Variants in FRMD4A observed in about 807,000 individuals in gnomAD.
The protein encoded by FRMD4A is FERM domain-containing protein 4A.
A neutral mutation model predicts 129.1 loss-of-function variants in FRMD4A; 29 were observed. The observed-to-expected ratio is 0.22, with a 90% CI of 0.17 to 0.31. The LOEUF is 0.31. Ranked by LOEUF, FRMD4A falls within the 10% of genes least tolerant of loss-of-function variation. The probability of loss-of-function intolerance (pLI) is 1.00; values close to 1 mark genes in which losing one functional copy is unlikely to be tolerated. For synonymous variants in FRMD4A, 634 were observed against 571.6 expected, an observed-to-expected ratio of 1.11 and a Z score of -1.56; for missense variants, 1,272 against 1,375.8, an observed-to-expected ratio of 0.92 and a Z score of 1.19.
chr10:14,298,466 C>T (rs1405332200), intron 2 of FRMD4A, among the ~76,000 whole-genome samples: 1 of 152,148 alleles, frequency 6.6e-6, no homozygotes, highest in Non-Finnish European at 1.5e-5. Context: ...AGGCAGGACA[C>T]CCATGCCCTG....
intron 3 of FRMD4A, among the ~76,000 whole-genome samples, chr10:13,812,353 C>G (rs570693237): frequency 6.6e-6 from 1 of 152,280 alleles, no homozygotes; most frequent in African/African-American, 2.4e-5. Flanking sequence ...GATTCGTGTC[C>G]TTATAAGAAG....
At chr10:14,293,413 T>A (rs1412175966) in intron 2 of FRMD4A, among the ~76,000 whole-genome samples, 1 of 152,186 alleles carries the variant, frequency 6.6e-6, no homozygotes, top group Non-Finnish European at 1.5e-5. Flanking sequence ...TTACACCCAG[T>A]CTCATTTATT....
intron 2 of FRMD4A, among the ~76,000 whole-genome samples, chr10:13,869,889 G>A (rs563464781): frequency 6.6e-6 from 1 of 152,284 alleles, no homozygotes; most frequent in South Asian, 2.1e-4. Flanking sequence ...ACAACTGCAG[G>A]TTTTACTTTT....
At chr10:13,670,379 A>C in intron 17 of FRMD4A, 27 bp downstream of exon 17, 2 of 1,608,842 alleles carry the variant, frequency 1.2e-6, no homozygotes, top group South Asian at 1.1e-5. Context: ...ACATGAGAGA[A>C]TCCAACAACA....
intron 2 of FRMD4A, chr10:13,972,157 A>C (rs2095522376): frequency 1.5e-5 from 16 of 1,051,602 alleles, no homozygotes; most frequent in Non-Finnish European, 1.7e-5. Flanking sequence ...TTGGCAGATC[A>C]AACAGAACTT....
At chr10:14,260,014 T>C (rs1844744257) in intron 2 of FRMD4A, among the ~76,000 whole-genome samples, 1 of 125,972 alleles carries the variant, frequency 7.9e-6, no homozygotes, top group Non-Finnish European at 1.7e-5. Context: ...AGATATAGTC[T>C]AGAAATGGCA....
intron 2 of FRMD4A, among the ~76,000 whole-genome samples, chr10:13,985,426 G>A (rs1005565453): frequency 1.3e-5 from 2 of 152,196 alleles, no homozygotes; most frequent in Non-Finnish European, 2.9e-5. Flanking sequence ...GTGGCTACAG[G>A]CTGATTCTGG....
intron 2 of FRMD4A, among the ~76,000 whole-genome samples, chr10:14,048,877 GAATAGAATAGAATAGAATAGAATAGAA>G (rs1834117671): frequency 8.4e-6 from 1 of 119,528 alleles, no homozygotes; most frequent in Non-Finnish European, 1.7e-5. Context: ...GAATAGAATA[GAATAGAATAGAATAGAATAGAATAGAA>G]AATAAAATGA....
At chr10:14,181,153 C>T (rs1291158184) in intron 2 of FRMD4A, among the ~76,000 whole-genome samples, 1 of 152,218 alleles carries the variant, frequency 6.6e-6, no homozygotes, top group Non-Finnish European at 1.5e-5. Flanking sequence ...AAAAATAAAA[C>T]TGCTTTTCTT....
At chr10:13,686,602 A>G (rs1211870610) in intron 15 of FRMD4A, among the ~76,000 whole-genome samples, 1 of 152,206 alleles carries the variant, frequency 6.6e-6, no homozygotes, top group African/African-American at 2.4e-5. Context: ...GCCAGGGTAC[A>G]ATGACAGACT....
At chr10:14,321,136 A>G (rs970247801) in intron 2 of FRMD4A, among the ~76,000 whole-genome samples, 10 of 152,116 alleles carry the variant, frequency 6.6e-5, no homozygotes, top group African/African-American at 2.4e-4. Context: ...CTGGTTCACC[A>G]CTGTATCCCT....
intron 2 of FRMD4A, among the ~76,000 whole-genome samples, chr10:13,915,873 C>A (rs2094997563): frequency 6.6e-6 from 1 of 152,130 alleles, no homozygotes; most frequent in Non-Finnish European, 1.5e-5. Context: ...GGCCTCCTGA[C>A]CTCTGAGGTC....
At chr10:14,090,386 G>A (rs1302496639) in intron 2 of FRMD4A, among the ~76,000 whole-genome samples, 2 of 152,188 alleles carry the variant, frequency 1.3e-5, no homozygotes, top group African/African-American at 4.8e-5. Context: ...TACAGTCAAG[G>A]CAGACGCTGT....
chr10:14,060,172 T>A (rs1588889264), intron 2 of FRMD4A, among the ~76,000 whole-genome samples: 1 of 152,216 alleles, frequency 6.6e-6, no homozygotes, highest in Non-Finnish European at 1.5e-5. Context: ...ATACTTTCCA[T>A]TTTCTGTAGT....
rs181137858 is a variant in FRMD4A at position 14,232,831 on chromosome 10, T to G, written c.45+97227A>C. Among the ~76,000 whole-genome samples, 21 of 152,330 alleles carry G rather than the reference T, an allele frequency of 1.4e-4. No individual in the cohort carries two copies. The East Asian group carries it at 4.0e-3, about 29-fold the overall frequency. ...GATCTAAAAGCCTTTGGGCAGAGACTTTAGGGTTTTCTAGGTAGAGAATCA... is the reference window on the plus strand; with the variant it reads ...GATCTAAAAGCCTTTGGGCAGAGACGTTAGGGTTTTCTAGGTAGAGAATCA... On this transcript the variant is annotated intron_variant, in intron 2 of 24. Transcript: ENST00000357447.
In FRMD4A at chr10:13,669,231, T is replaced by C. The variant is rs535134049; in HGVS notation, c.1374+1175A>G. On this transcript the variant is annotated intron_variant, in intron 17 of 24. Coordinates refer to ENST00000357447, the MANE Select transcript of FRMD4A (RefSeq NM_018027.5). Reference sequence around the variant, plus strand: ...TACACCACCATGCCTGGCTAATGTCTGTATCTTTTTGGTAGAGATAGGGCT... The same window carrying C: ...TACACCACCATGCCTGGCTAATGTCCGTATCTTTTTGGTAGAGATAGGGCT... 7.2e-5 allele frequency among the ~76,000 whole-genome samples: 11 copies of C among 152,248 alleles called. No homozygotes were observed. In the South Asian group the frequency reaches 2.3e-3, roughly 32 times the overall value.
chr10:14,328,657 T>C (rs925405640), intron 2 of FRMD4A, among the ~76,000 whole-genome samples: 28 of 148,814 alleles, frequency 1.9e-4, no homozygotes, highest in South Asian at 1.3e-3. Context: ...TGTGTGTGTG[T>C]GTGCATATGT....
chr10:13,724,887 T>C (rs1215770452), intron 12 of FRMD4A, among the ~76,000 whole-genome samples: 2 of 152,168 alleles, frequency 1.3e-5, no homozygotes, highest in Non-Finnish European at 2.9e-5. Context: ...GGGAGACACA[T>C]ATCCCCAAAG....
chr10:14,202,837 A>G (rs370170053), intron 2 of FRMD4A, among the ~76,000 whole-genome samples: 1 of 152,124 alleles, frequency 6.6e-6, no homozygotes, highest in Non-Finnish European at 1.5e-5. Flanking sequence ...CAGCGGTGCA[A>G]TCATGGCTCA....
Sources: allele counts gnomAD v4.1 joint callset (sites outside exome capture counted in the v4.1 genomes callset), GRCh38; gene constraint gnomAD v4.1.1; transcripts MANE v1.5; gene names NCBI Gene and HGNC (gene_info 2026-07-23, HGNC 2026-07-21).